Variants in SND1 observed in about 807,000 individuals in gnomAD.
The protein encoded by SND1 is staphylococcal nuclease domain-containing protein 1.
A neutral mutation model predicts 121.7 loss-of-function variants in SND1; 38 were observed. The ratio of observed to expected loss-of-function variants is 0.31; its 90% confidence interval spans 0.24 to 0.41. The LOEUF (loss-of-function observed/expected upper bound fraction) is 0.41. SND1 is among the 10% of genes least tolerant of loss of function. SND1 has a pLI of 1.00. For synonymous variants in SND1, 401 were observed against 447.4 expected (o/e 0.90, Z 1.31); for missense variants, 868 against 1,184.6 (o/e 0.73, Z 3.92).
rs754188949 is a variant in SND1 at position 128,084,675 on chromosome 7, G to A, written c.2111-49G>A. ...ACTCCCAGAAAAACCCTGCTGAGCC[G>A]TCGAGGAACCCAGCACCCAGGTCTC... On this transcript the variant is annotated intron_variant, in intron 18 of 23. Coordinates refer to ENST00000354725, the MANE Select transcript of SND1 (RefSeq NM_014390.4). The A allele has an allele frequency of 1.7e-5, 26 of 1,557,906 alleles. No individual in the cohort carries two copies. The Middle Eastern group carries it at 5.5e-4, about 33-fold the overall frequency.
In SND1 at chr7:127,652,398, G is replaced by A; in HGVS notation, c.25G>A (p.Gly9Ser). The change falls in exon 1 of 24, where the codon GGC (glycine) becomes AGC (serine). Residue 9 changes from glycine (G) to serine (S), a missense_variant. Physicochemically the swap from Gly to Ser is moderately conservative, Grantham distance 56. Around this residue, in one of 2 missense-constraint regions of SND1, gnomAD observed 125 missense variants for 113.3 expected, o/e 1.10. Coordinates refer to ENST00000354725, the MANE Select transcript of SND1 (RefSeq NM_014390.4). The stretch of plus-strand genomic sequence containing the variant: ...CATGGCGTCCTCCGCGCAGAGCGGC[G>A]GCTCCTCCGGGGGACCCGCGGTCCC... MASSAQSG[G>S]SSGGPAVPTV... The A allele has an allele frequency of 1.9e-6, 3 of 1,598,456 alleles. No homozygotes were observed. The highest frequency in any genetic ancestry group is 2.6e-6 in the Non-Finnish European group (3 of 1,173,274).
intron 12 of SND1, among the ~76,000 whole-genome samples, chr7:127,884,283 A>G (rs971963167): frequency 6.6e-6 from 1 of 152,082 alleles, no homozygotes; most frequent in Admixed American, 6.5e-5. Flanking sequence ...TTCCATCTAT[A>G]TTTATTTTTA....
chr7:127,734,782 T>A (rs1796744394), intron 10 of SND1, among the ~76,000 whole-genome samples: 2 of 152,198 alleles, frequency 1.3e-5, no homozygotes, highest in Admixed American at 6.5e-5. Context: ...TCTGCCGAGT[T>A]CTTTTCAGGA....
chr7:127,786,524 G>A (rs1563012989), intron 10 of SND1, among the ~76,000 whole-genome samples: 1 of 152,082 alleles, frequency 6.6e-6, no homozygotes, highest in Admixed American at 6.5e-5. Context: ...TTCAAGACAA[G>A]GACTATGAGT....
intron 11 of SND1, among the ~76,000 whole-genome samples, chr7:127,841,034 A>T (rs1798955728): frequency 6.6e-6 from 1 of 152,092 alleles, no homozygotes; most frequent in African/African-American, 2.4e-5. Context: ...ACAGCACCTC[A>T]CTTTGGCCTT....
At chr7:127,960,012 A>G (rs1420674600) in intron 15 of SND1, among the ~76,000 whole-genome samples, 2 of 152,108 alleles carry the variant, frequency 1.3e-5, no homozygotes, top group African/African-American at 2.4e-5. Flanking sequence ...TCTGCTATCT[A>G]TTCTTGCCCA....
chr7:127,677,673 T>A (rs762927562), intron 1 of SND1, among the ~76,000 whole-genome samples: 2 of 152,196 alleles, frequency 1.3e-5, no homozygotes, highest in Non-Finnish European at 2.9e-5. Context: ...AGACAATACA[T>A]AAATGAATGA....
At chr7:127,665,746 A>T (rs1795404824) in intron 1 of SND1, among the ~76,000 whole-genome samples, 1 of 152,160 alleles carries the variant, frequency 6.6e-6, no homozygotes, top group South Asian at 2.1e-4. Flanking sequence ...TTTCAGCCTT[A>T]GGAATTCTGT....
chr7:128,062,822 G>A (rs568315351), intron 16 of SND1, among the ~76,000 whole-genome samples: 1 of 152,294 alleles, frequency 6.6e-6, no homozygotes, highest in South Asian at 2.1e-4. Context: ...TGAGCTAGGG[G>A]TTGGCATCCC....
chr7:127,860,175 A>G (rs1799350094), intron 12 of SND1, among the ~76,000 whole-genome samples: 1 of 152,116 alleles, frequency 6.6e-6, no homozygotes, highest in South Asian at 2.1e-4. Flanking sequence ...TGTCAACATT[A>G]TGCTTCCTTA....
chr7:127,652,336 G>A lies in SND1; in HGVS notation c.-38G>A. On this transcript the variant is annotated 5_prime_UTR_variant, in exon 1 of 24. Coordinates refer to ENST00000354725, the MANE Select transcript of SND1 (RefSeq NM_014390.4). ...ACACCCACATTGACACCTCCAGTCCGGCCAGCCGCTCCACTCGTTGCCTTT... is the reference window on the plus strand; with the variant it reads ...ACACCCACATTGACACCTCCAGTCCAGCCAGCCGCTCCACTCGTTGCCTTT... The A allele has an allele frequency of 1.9e-6, 3 of 1,553,162 alleles. No individual in the cohort carries two copies. The highest frequency in any genetic ancestry group is 2.7e-5 in the African/African-American group (2 of 73,946).
intron 10 of SND1, among the ~76,000 whole-genome samples, chr7:127,756,650 C>G (rs1797201710): frequency 6.6e-6 from 1 of 152,152 alleles, no homozygotes; most frequent in South Asian, 2.1e-4. Context: ...ATCTTGCCCT[C>G]CAAGGCTTAT....
In SND1 at chr7:127,806,315, G is replaced by A. The variant is rs185583276; in HGVS notation, c.1153-1169G>A. ...CTTCAAGTGGTTCTCATCATCTCTC[G>A]GGCTCCTGTCCTTTCCTACTTCTGT... On this transcript the variant is annotated intron_variant, in intron 10 of 23. Transcript: ENST00000354725. Among the ~76,000 whole-genome samples the A allele has an allele frequency of 9.2e-4, 139 of 151,740 alleles. 3 individuals are homozygous for A. In the East Asian group the frequency reaches 0.02, roughly 22 times the overall value.
intron 11 of SND1, among the ~76,000 whole-genome samples, chr7:127,808,767 C>T (rs1798284692): frequency 6.6e-6 from 1 of 152,194 alleles, no homozygotes; most frequent in Non-Finnish European, 1.5e-5. Context: ...TGGCTTTAAG[C>T]TTCTTTCAAT....
chr7:127,922,169 T>C (rs868479111), intron 14 of SND1, among the ~76,000 whole-genome samples: 23 of 133,554 alleles, frequency 1.7e-4, no homozygotes, highest in Non-Finnish European at 2.7e-4. Context: ...TTTCTTTTTT[T>C]CTTTCCTTTT....
chr7:127,759,966 G>A (rs1797272342), intron 10 of SND1, among the ~76,000 whole-genome samples: 2 of 152,046 alleles, frequency 1.3e-5, no homozygotes, highest in African/African-American at 2.4e-5. Context: ...CCCCAATCAG[G>A]ACCTTCCTTC....
At chr7:127,970,200 A>G (rs1801952097) in intron 15 of SND1, among the ~76,000 whole-genome samples, 1 of 152,228 alleles carries the variant, frequency 6.6e-6, no homozygotes. Context: ...AAGACATCTA[A>G]AAACAGAATT....
chr7:127,915,713 G>A (rs891061898), intron 14 of SND1, among the ~76,000 whole-genome samples: 1 of 152,184 alleles, frequency 6.6e-6, no homozygotes, highest in Non-Finnish European at 1.5e-5. Context: ...TAAGTGGTCT[G>A]ATAAAGTCCT....
chr7:127,776,970 CCT>C (rs1797632304), intron 10 of SND1, among the ~76,000 whole-genome samples: 1 of 152,240 alleles, frequency 6.6e-6, no homozygotes, highest in Admixed American at 6.5e-5. Context: ...AAAGCACATT[CCT>C]CTTCATTCCT....
Sources: gnomAD v4.1 joint callset for allele counts (sites outside exome capture counted in the v4.1 genomes callset) on GRCh38, gnomAD v4.1.1 for gene constraint, gnomAD v4.1.1 regional missense constraint, MANE v1.5 for transcripts, NCBI Gene and HGNC (gene_info 2026-07-23, HGNC 2026-07-21) for gene names.